Variants in FBXL13 observed in about 807,000 individuals in gnomAD.
The protein encoded by FBXL13 is F-box and leucine rich repeat protein 13, also known as F-box and leucine-rich repeat protein 13.
In FBXL13, 67 loss-of-function variants were observed where a neutral mutation model predicts 83.6. That is an observed-to-expected ratio of 0.80 (90% CI 0.66 to 0.98). The LOEUF (loss-of-function observed/expected upper bound fraction) is 0.98. FBXL13 is among the 50% of genes least tolerant of loss of function. The pLI, the probability that FBXL13 is intolerant of heterozygous loss-of-function variation, is 0.00. For synonymous variants in FBXL13, 272 were observed against 299.5 expected, an observed-to-expected ratio of 0.91 and a Z score of 0.95; for missense variants, 822 against 866.5, an observed-to-expected ratio of 0.95 and a Z score of 0.64.
chr7:103,036,153 T>A (rs575271617), intron 2 of FBXL13, among the ~76,000 whole-genome samples: 2 of 152,118 alleles, frequency 1.3e-5, no homozygotes, highest in Non-Finnish European at 2.9e-5. Context: ...TGATCTGAGG[T>A]ACAACAGTTT....
intron 18 of FBXL13, among the ~76,000 whole-genome samples, chr7:102,823,018 C>T (rs900577657): frequency 2.0e-5 from 3 of 152,098 alleles, no homozygotes; most frequent in South Asian, 2.1e-4. Context: ...GCCGAGATCA[C>T]GCCACTGCAC....
At chr7:102,881,578 G>C (rs915287940) in intron 14 of FBXL13, among the ~76,000 whole-genome samples, 2 of 150,724 alleles carry the variant, frequency 1.3e-5, no homozygotes, top group East Asian at 4.0e-4. Flanking sequence ...GTGTGTGTGG[G>C]GGGGGTGGGT....
At chr7:102,833,242 C>T (rs1801039363) in intron 17 of FBXL13, among the ~76,000 whole-genome samples, 2 of 152,108 alleles carry the variant, frequency 1.3e-5, no homozygotes, top group Admixed American at 6.6e-5. Flanking sequence ...TGAAGTTTGA[C>T]TCATATGGTC....
At chr7:102,835,371 G>A (rs1189525947) in intron 17 of FBXL13, among the ~76,000 whole-genome samples, 2 of 152,056 alleles carry the variant, frequency 1.3e-5, no homozygotes, top group Non-Finnish European at 2.9e-5. Context: ...TTGAATTATT[G>A]GAATCAGTGG....
At chr7:102,927,925 C>G (rs567222674) in intron 9 of FBXL13, among the ~76,000 whole-genome samples, 1 of 152,294 alleles carries the variant, frequency 6.6e-6, no homozygotes, top group African/African-American at 2.4e-5. Flanking sequence ...TGATTATACA[C>G]TTGTTGAAAG....
intron 8 of FBXL13, among the ~76,000 whole-genome samples, chr7:102,935,861 A>ATG (rs1374514307): frequency 6.6e-6 from 1 of 152,126 alleles, no homozygotes; most frequent in Admixed American, 6.5e-5. Flanking sequence ...AAATTTTGCT[A>ATG]TGTTTTGTTT....
intron 6 of FBXL13, among the ~76,000 whole-genome samples, chr7:102,992,203 T>A (rs2129484596): frequency 6.6e-6 from 1 of 152,286 alleles, no homozygotes; most frequent in Admixed American, 6.5e-5. Context: ...TGCCATCATG[T>A]TACTGGCTTG....
At chr7:102,874,211 TGTTAC>T (rs1808920126) in intron 16 of FBXL13, 9 of 276,482 alleles carry the variant, frequency 3.3e-5, no homozygotes, top group Non-Finnish European at 4.9e-5. Flanking sequence ...AAATCCTGAA[TGTTAC>T]GTCTGTAGTC....
At chr7:102,831,883 G>A (rs1225671452) in intron 18 of FBXL13, among the ~76,000 whole-genome samples, 1 of 152,082 alleles carries the variant, frequency 6.6e-6, no homozygotes, top group Non-Finnish European at 1.5e-5. Flanking sequence ...AAAATTATAT[G>A]TGTATATTCA....
intron 6 of FBXL13, among the ~76,000 whole-genome samples, chr7:103,002,468 T>C (rs187744217): frequency 6.6e-6 from 1 of 152,354 alleles, no homozygotes; most frequent in East Asian, 1.9e-4. Context: ...TTAGAAGATT[T>C]TGAATTTGTC....
intron 8 of FBXL13, among the ~76,000 whole-genome samples, chr7:102,956,639 C>T (rs1052223173): frequency 6.6e-6 from 1 of 152,184 alleles, no homozygotes; most frequent in Non-Finnish European, 1.5e-5. Flanking sequence ...AAAACCCCAT[C>T]ATCTCAGCCC....
chr7:102,882,448 A>G (rs1407780227), intron 14 of FBXL13, among the ~76,000 whole-genome samples: 1 of 151,976 alleles, frequency 6.6e-6, no homozygotes, highest in Non-Finnish European at 1.5e-5. Flanking sequence ...CCCACTGGGG[A>G]ACAGGTTTCA....
chr7:102,958,529 T>TATA (rs144163542), intron 8 of FBXL13, among the ~76,000 whole-genome samples: 2,339 of 144,496 alleles, frequency 0.016, 35 homozygotes, highest in Admixed American at 0.035. Context: ...GAACTTAAAG[T>TATA]ATAATAATAA....
At chr7:103,031,416 C>A (rs1794501016) in intron 2 of FBXL13, 1 of 152,210 alleles carries the variant, frequency 6.6e-6, no homozygotes, top group Non-Finnish European at 1.5e-5. Flanking sequence ...ATTGATCCAT[C>A]AACAGAATTA....
chr7:102,959,701 C>T (rs55825804), intron 8 of FBXL13, among the ~76,000 whole-genome samples: 12,499 of 151,646 alleles, frequency 0.082, 583 homozygotes, highest in Middle Eastern at 0.17. Context: ...AGATAGAAAA[C>T]GCATCTCAAA....
intron 8 of FBXL13, among the ~76,000 whole-genome samples, chr7:102,941,130 T>C (rs960621436): frequency 6.6e-6 from 1 of 152,236 alleles, no homozygotes; most frequent in African/African-American, 2.4e-5. Context: ...GCTACACTTA[T>C]ACCTTAGCTT....
intron 1 of FBXL13, among the ~76,000 whole-genome samples, chr7:103,056,958 C>A (rs901766376): frequency 6.6e-5 from 10 of 151,918 alleles, no homozygotes; most frequent in South Asian, 4.1e-4. Flanking sequence ...TGTATATCTT[C>A]TTTTGAGGAC....
At chr7:103,014,881 G>T (rs563288634) in intron 6 of FBXL13, among the ~76,000 whole-genome samples, 1 of 128,020 alleles carries the variant, frequency 7.8e-6, no homozygotes, top group Non-Finnish European at 1.6e-5. Flanking sequence ...CCGAGATCAC[G>T]CCACTGCACT....
intron 9 of FBXL13, among the ~76,000 whole-genome samples, chr7:102,927,655 G>A (rs1818379963): frequency 6.6e-6 from 1 of 152,150 alleles, no homozygotes; most frequent in African/African-American, 2.4e-5. Context: ...CTGCTATAGG[G>A]AAGGTTCTAT....
Sources: gnomAD v4.1 joint callset for allele counts (sites outside exome capture counted in the v4.1 genomes callset) on GRCh38, gnomAD v4.1.1 for gene constraint, MANE v1.5 for transcripts, NCBI Gene and HGNC (gene_info 2026-07-23, HGNC 2026-07-21) for gene names.